FRMD3: variants seen among roughly 807,000 people sequenced by gnomAD.
FRMD3 encodes the protein FERM domain containing 3.
FRMD3 carries 33 observed loss-of-function variants against 70.2 expected under a neutral mutation model. The observed-to-expected ratio is 0.47, with a 90% CI of 0.36 to 0.63. The LOEUF is 0.63. FRMD3 is among the 20% of genes least tolerant of loss of function. The pLI, the probability that FRMD3 is intolerant of heterozygous loss-of-function variation, is 0.00. For missense variants in FRMD3, 632 were observed against 711.4 expected (o/e 0.89, Z 1.27); for synonymous variants, 279 against 255.9 (o/e 1.09, Z -0.86).
At chr9:83,253,768 T>C (rs566614419) in intron 13 of FRMD3, among the ~76,000 whole-genome samples, 198 of 152,310 alleles carry the variant, frequency 1.3e-3, no homozygotes, top group African/African-American at 4.6e-3. Context: ...TTATTGGGTA[T>C]ATACCCAAAG....
intron 1 of FRMD3, among the ~76,000 whole-genome samples, chr9:83,509,029 C>T (rs997502839): frequency 2.7e-5 from 4 of 148,672 alleles, no homozygotes; most frequent in African/African-American, 9.9e-5. Flanking sequence ...TTGCCTCCTC[C>T]CCAACTTTTA....
Position 83,383,186 on chromosome 9 carries a change from A to G in FRMD3, c.252+6418T>C, listed in dbSNP as rs1330100722. Among the ~76,000 whole-genome samples, 4 of 152,378 alleles carry G rather than the reference A, an allele frequency of 2.6e-5. No individual in the cohort carries two copies. In the East Asian group the frequency reaches 7.7e-4, roughly 29 times the overall value. On this transcript the variant is annotated intron_variant, in intron 2 of 13. Transcript: ENST00000304195. ...TGTCTTGGATCCTCCAGATCGGACT[A>G]GCTGCTAGCTAAACACCGCTGAGTG...
Position 83,309,531 on chromosome 9 carries a change from C to T in FRMD3, c.926+5G>A, listed in dbSNP as rs1455443078. On this transcript the variant is annotated splice_donor_5th_base_variant and intron_variant, in intron 10 of 13. Transcript: ENST00000304195. ...GCTATAATTAAATGAATAAAAGCCA[C>T]TTACTTATAAAAGGCCTGGTTTTCC... 1.3e-5 allele frequency: 21 copies of T among 1,562,584 alleles called. No homozygotes were observed. The highest frequency in any genetic ancestry group is 1.8e-5 in the Non-Finnish European group (21 of 1,149,722).
intron 3 of FRMD3, among the ~76,000 whole-genome samples, chr9:83,354,279 A>G (rs1270976404): frequency 2.6e-5 from 4 of 152,218 alleles, no homozygotes; most frequent in South Asian, 2.1e-4. Flanking sequence ...TGGACTGAAT[A>G]AAGAAAATGT....
At chr9:83,576,385 A>G in the FRMD3 span, among the ~76,000 whole-genome samples, 2 of 152,136 alleles carry the variant, frequency 1.3e-5, no homozygotes, top group South Asian at 4.1e-4. Flanking sequence ...ACAAAAGGGA[A>G]CTTCCTTCAC....
intron 1 of FRMD3, among the ~76,000 whole-genome samples, chr9:83,406,065 G>A (rs1826093932): frequency 6.6e-6 from 1 of 151,896 alleles, no homozygotes; most frequent in Non-Finnish European, 1.5e-5. Flanking sequence ...GAATTTGGCT[G>A]TGCCACTAAT....
At chr9:83,447,659 GC>G (rs983932407) in intron 1 of FRMD3, among the ~76,000 whole-genome samples, 2 of 152,264 alleles carry the variant, frequency 1.3e-5, no homozygotes, top group African/African-American at 4.8e-5. Flanking sequence ...AGGCAGACAG[GC>G]CCAGGGAGGG....
Position 83,246,051 on chromosome 9 carries a change from G to A in FRMD3, c.*1867C>T. ...TATATAGTCATTTGCTCGACTGCAG[G>A]CTTCACGAACTGAGTTTCAAAACTC... On this transcript the variant is annotated 3_prime_UTR_variant, in exon 14 of 14. Transcript: ENST00000304195. 2 of 985,326 alleles carry A rather than the reference G, an allele frequency of 2.0e-6. No homozygotes were observed. Among genetic ancestry groups the A allele is most frequent in the Non-Finnish European group, 2.4e-6 (2 of 829,916 alleles). The allele number at this position is 985,326 out of a possible 1,614,324, so 61.0% of individuals were successfully genotyped here.
chr9:83,406,246 A>G (rs139474703), intron 1 of FRMD3, among the ~76,000 whole-genome samples: 2 of 152,202 alleles, frequency 1.3e-5, no homozygotes, highest in East Asian at 3.9e-4. Context: ...CACACCTCCT[A>G]GTTCCCATCT....
chr9:83,466,501 CT>C, intron 1 of FRMD3, among the ~76,000 whole-genome samples: 1 of 152,264 alleles, frequency 6.6e-6, no homozygotes, highest in Middle Eastern at 3.4e-3. Flanking sequence ...AGAAAGGAAT[CT>C]CAGTATGTTC....
intron 1 of FRMD3, among the ~76,000 whole-genome samples, chr9:83,448,370 C>T (rs980422581): frequency 1.3e-5 from 2 of 152,134 alleles, no homozygotes; most frequent in African/African-American, 4.8e-5. Context: ...ATCATGGCAT[C>T]ATACAGCTAT....
At chr9:83,542,323 AT>A (rs1379325792), upstream of FRMD3, among the ~76,000 whole-genome samples, 1 of 152,214 alleles carries the variant, frequency 6.6e-6, no homozygotes, top group Non-Finnish European at 1.5e-5. Flanking sequence ...TGCATCTTGA[AT>A]TTTTTCATTT....
Position 83,343,267 on chromosome 9 carries a change from A to G in FRMD3, c.395T>C (p.Ile132Thr). 1.2e-6 allele frequency: 2 copies of G among 1,612,038 alleles called. No homozygotes were observed. The highest frequency in any genetic ancestry group is 1.7e-6 in the Non-Finnish European group (2 of 1,178,130). The change falls in exon 5 of 14, where the codon ATT becomes ACT. Residue 132 changes from isoleucine (I) to threonine (T), a missense_variant. Ile to Thr is a moderately conservative substitution (Grantham distance 89, BLOSUM62 -1). Transcript: ENST00000304195. ...GCGGCCATGAAAAATGTCCCTTTTA[A>G]TCTGAAGGTATAAAAGGTATCTGCA... Reference protein sequence around the residue: ...ELTRYLLYLQIKRDIFHGRLL... With the variant: ...ELTRYLLYLQTKRDIFHGRLL...
chr9:83,383,989 C>A (rs1183274655), intron 2 of FRMD3, among the ~76,000 whole-genome samples: 2 of 152,188 alleles, frequency 1.3e-5, no homozygotes, highest in East Asian at 1.9e-4. Context: ...TCCCCAAATG[C>A]ATCAGTGTTC....
At position 83,368,042 on chromosome 9, in the gene FRMD3, GA is replaced by G. The variant is rs1564039667; in HGVS notation, c.295+4870del. Among the ~76,000 whole-genome samples, 4 of 152,076 alleles carry G rather than the reference GA, an allele frequency of 2.6e-5. No individual in the cohort carries two copies. The South Asian group carries it at 8.3e-4, about 32-fold the overall frequency. On this transcript the variant is annotated intron_variant, in intron 3 of 13. Transcript: ENST00000304195. ...AACACAGCAACTTGGGTGAATCTCAGAGTTATTATCCTGAGTAAAAGCTGAT... is the reference window on the plus strand; with the variant it reads ...AACACAGCAACTTGGGTGAATCTCAGGTTATTATCCTGAGTAAAAGCTGAT...
chr9:83,490,619 C>G (rs1454489806), intron 1 of FRMD3, among the ~76,000 whole-genome samples: 1 of 152,016 alleles, frequency 6.6e-6, no homozygotes, highest in Non-Finnish European at 1.5e-5. Context: ...AACTTTTAAT[C>G]TATTTGGCAC....
At chr9:83,294,312 G>A (rs1388508846) in intron 12 of FRMD3, among the ~76,000 whole-genome samples, 1 of 152,202 alleles carries the variant, frequency 6.6e-6, no homozygotes, top group East Asian at 1.9e-4. Context: ...AAAACTGTGA[G>A]AAATAAATTT....
chr9:83,359,647 T>C (rs1184180597), intron 3 of FRMD3, among the ~76,000 whole-genome samples: 2 of 152,108 alleles, frequency 1.3e-5, no homozygotes, highest in Non-Finnish European at 2.9e-5. Flanking sequence ...AACACTGAAG[T>C]TTGAATTTGT....
intron 5 of FRMD3, among the ~76,000 whole-genome samples, chr9:83,339,299 T>C (rs1384064903): frequency 6.6e-6 from 1 of 152,086 alleles, no homozygotes; most frequent in African/African-American, 2.4e-5. Context: ...AGAAGGCAGG[T>C]TTTTTAAAAT....
Sources: gnomAD v4.1 joint callset for allele counts (sites outside exome capture counted in the v4.1 genomes callset) on GRCh38, gnomAD v4.1.1 for gene constraint, MANE v1.5 for transcripts, NCBI Gene and HGNC (gene_info 2026-07-23, HGNC 2026-07-21) for gene names.